The following DOCK4 variants were observed in gnomAD, a reference collection of about 807,000 sequenced individuals.
DOCK4 encodes dedicator of cytokinesis 4, also known as dedicator of cytokinesis protein 4.
In DOCK4, 97 loss-of-function variants were observed where a neutral mutation model predicts 268.1. The observed-to-expected ratio is 0.36, with a 90% CI of 0.31 to 0.43. The LOEUF is 0.43. Ranked by LOEUF, DOCK4 falls within the 20% of genes least tolerant of loss-of-function variation. The pLI is 1.00. For synonymous variants in DOCK4, 954 were observed against 887.2 expected (o/e 1.08, Z -1.34); for missense variants, 2,145 against 2,455.7 (o/e 0.87, Z 2.67).
intron 8 of DOCK4, among the ~76,000 whole-genome samples, chr7:111,961,110 C>T (rs1478541031): frequency 6.6e-6 from 1 of 152,092 alleles, no homozygotes; most frequent in Non-Finnish European, 1.5e-5. Flanking sequence ...TCCTACAACT[C>T]ACTTTCAGTC....
chr7:111,790,203 C>T (rs1435541538), intron 31 of DOCK4, among the ~76,000 whole-genome samples: 2 of 152,056 alleles, frequency 1.3e-5, no homozygotes, highest in African/African-American at 4.8e-5. Context: ...TTCTTAAATA[C>T]AGATCTGGGA....
intron 23 of DOCK4, among the ~76,000 whole-genome samples, chr7:111,858,768 C>CAA (rs1020950458): frequency 1.3e-5 from 2 of 151,750 alleles, no homozygotes; most frequent in African/African-American, 4.8e-5. Flanking sequence ...CCTTTCCTTC[C>CAA]GTCTTTCCTC....
chr7:112,175,597 AT>A (rs745949819), intron 1 of DOCK4, among the ~76,000 whole-genome samples: 13 of 144,694 alleles, frequency 9.0e-5, no homozygotes, highest in Non-Finnish European at 1.8e-4. Flanking sequence ...TAAAACTCTC[AT>A]ATTTTTTTTC....
intron 37 of DOCK4, among the ~76,000 whole-genome samples, chr7:111,767,602 TC>T (rs1460559654): frequency 6.6e-6 from 1 of 152,164 alleles, no homozygotes; most frequent in Non-Finnish European, 1.5e-5. Flanking sequence ...TTATTAAAAA[TC>T]CTTTGAATGC....
intron 23 of DOCK4, among the ~76,000 whole-genome samples, chr7:111,858,400 G>T (rs528840122): frequency 6.6e-6 from 1 of 152,272 alleles, no homozygotes; most frequent in South Asian, 2.1e-4. Context: ...TTTTCTGGGT[G>T]TGTCTGTGAG....
chr7:111,971,537 T>C, intron 8 of DOCK4: 1 of 192,032 alleles, frequency 5.2e-6, no homozygotes, highest in Non-Finnish European at 1.1e-5. Flanking sequence ...ATGGGATCCA[T>C]GTCATGTGCA....
intron 25 of DOCK4, chr7:111,840,981 C>G (rs1211954394): frequency 2.1e-6 from 1 of 479,788 alleles, no homozygotes. Context: ...ATAACAACAA[C>G]AATACCTGAA....
rs756347908 is a variant in DOCK4, at chr7:111,741,092, A to G, written c.5040+2T>C. 6.2e-7 allele frequency: 1 copy of G among 1,613,268 alleles called. No homozygotes were observed. Among genetic ancestry groups the G allele is most frequent in the South Asian group, 1.1e-5 (1 of 90,736 alleles). ...CAACCAGACAAAAAGCTAATTAAGT[A>G]CCTGCATGTTAAAGACTTCATCAGA... On this transcript the variant is annotated splice_donor_variant, in intron 47 of 52. Transcript: ENST00000428084. LOFTEE classifies it high-confidence loss of function.
In DOCK4 at chr7:111,788,693, CA is replaced by C. The variant is rs1369302857; in HGVS notation, c.3369del (p.Asp1124ThrfsTer11). 9 of 1,592,694 alleles carry C rather than the reference CA, an allele frequency of 5.7e-6. No individual in the cohort carries two copies. Among genetic ancestry groups the C allele is most frequent in the Non-Finnish European group, 7.7e-6 (9 of 1,168,296 alleles). Reference protein sequence around the residue: ...KLDSLMSEGKGDETYRELFNS... With the variant: ...KLDSLMSEGKXDETYRELFNS... ...TTGAAGAGCTCGCGGTATGTTTCGT[CA>C]CCTTTGCCTTCTGACATCAGGCTAT... is the stretch of plus-strand genomic sequence containing the variant. On this transcript the variant is annotated frameshift_variant, in exon 32 of 53. Transcript: ENST00000428084. LOFTEE classifies it high-confidence loss of function.
intron 1 of DOCK4, among the ~76,000 whole-genome samples, chr7:112,197,313 T>C (rs898741761): frequency 2.0e-5 from 3 of 151,998 alleles, no homozygotes; most frequent in Non-Finnish European, 4.4e-5. Flanking sequence ...AAAAAAACTG[T>C]ATGTACAAAT....
intron 27 of DOCK4, among the ~76,000 whole-genome samples, chr7:111,821,956 C>G (rs576486553): frequency 1.4e-4 from 22 of 152,248 alleles, no homozygotes; most frequent in African/African-American, 5.1e-4. Flanking sequence ...GGAAAATACA[C>G]AGAAGAATGA....
chr7:111,750,364 T>A (rs1043689277), intron 42 of DOCK4, among the ~76,000 whole-genome samples: 3 of 152,202 alleles, frequency 2.0e-5, no homozygotes, highest in African/African-American at 7.2e-5. Flanking sequence ...CAGAATGCCC[T>A]AAAGTCCCCA....
chr7:111,975,311 A>C (rs1185424409), intron 8 of DOCK4, among the ~76,000 whole-genome samples: 1 of 152,180 alleles, frequency 6.6e-6, no homozygotes. Context: ...AGAAATGAGC[A>C]AAAGAATAAC....
chr7:112,152,520 T>C (rs1816190098), intron 1 of DOCK4, among the ~76,000 whole-genome samples: 1 of 152,190 alleles, frequency 6.6e-6, no homozygotes, highest in African/African-American at 2.4e-5. Flanking sequence ...AGGTTTCTAT[T>C]TCCTTGATTC....
At chr7:111,845,017 G>T in intron 24 of DOCK4, 120 bp from the exon 25 acceptor site, 2 of 1,349,868 alleles carry the variant, frequency 1.5e-6, no homozygotes, top group South Asian at 1.4e-5. Context: ...CTAAGTGAAT[G>T]ATCTCCTTTT....
chr7:111,982,882 AG>A (rs776811557), intron 7 of DOCK4, among the ~76,000 whole-genome samples: 6 of 152,244 alleles, frequency 3.9e-5, no homozygotes, highest in Non-Finnish European at 8.8e-5. Context: ...ACAAAAGTAA[AG>A]ATGCCACATC....
chr7:111,772,833 G>A (rs1459209223), intron 36 of DOCK4, among the ~76,000 whole-genome samples: 2 of 151,972 alleles, frequency 1.3e-5, no homozygotes, highest in African/African-American at 2.4e-5. Flanking sequence ...AACAAAAAGA[G>A]CAATGAAGGT....
intron 1 of DOCK4, among the ~76,000 whole-genome samples, chr7:112,182,351 C>G (rs1819128664): frequency 6.6e-6 from 1 of 152,092 alleles, no homozygotes; most frequent in South Asian, 2.1e-4. Context: ...ATGATCTCTC[C>G]ATGATGTAAT....
chr7:111,727,648 A>C lies in DOCK4; in HGVS notation c.*626T>G, dbSNP rs1794732560. On this transcript the variant is annotated 3_prime_UTR_variant, in exon 53 of 53. Coordinates refer to ENST00000428084, the MANE Select transcript of DOCK4 (RefSeq NM_001363540.2). ...CAGGGTAGTAAGGGATTTAGCTACC[A>C]ATTCACAAAATAGAATTTTACGAAT... 3 of 152,546 alleles carry C rather than the reference A, an allele frequency of 2.0e-5. No homozygotes were observed. The South Asian group carries it at 6.2e-4, about 32-fold the overall frequency. 9.4% of individuals were successfully genotyped at this position (152,546 alleles called of 1,614,324 possible). A position where few individuals can be genotyped will look rare whatever the true frequency, so the allele number is the denominator to read the frequency against.
Sources: gnomAD v4.1 joint callset for allele counts (sites outside exome capture counted in the v4.1 genomes callset) on GRCh38, gnomAD v4.1.1 for gene constraint, MANE v1.5 for transcripts, NCBI Gene and HGNC (gene_info 2026-07-23, HGNC 2026-07-21) for gene names.